Variants in PLSCR2 observed in about 807,000 individuals in gnomAD.
The protein encoded by PLSCR2 is PL scramblase 2.
PLSCR2 carries 18 observed loss-of-function variants against 25.3 expected under a neutral mutation model. The observed-to-expected ratio is 0.71, with a 90% confidence interval of 0.49 to 1.06. The LOEUF is 1.06. Among genes scored for constraint, PLSCR2 ranks in the 50% least tolerant of loss-of-function variants. The probability of loss-of-function intolerance (pLI) is 0.00; values close to 1 mark genes in which losing one functional copy is unlikely to be tolerated. For missense variants in PLSCR2, 243 were observed against 269.5 expected (o/e 0.90, Z 0.69); for synonymous variants, 88 against 87.3 (o/e 1.01, Z -0.04).
intron 1 of PLSCR2, among the ~76,000 whole-genome samples, chr3:146,484,833 G>A (rs970651986): frequency 6.6e-6 from 1 of 152,002 alleles, no homozygotes; most frequent in African/African-American, 2.4e-5. Context: ...CTACTGCAAA[G>A]ACACACCAAA....
intron 1 of PLSCR2, among the ~76,000 whole-genome samples, chr3:146,490,927 G>GT (rs2108577490): frequency 6.6e-6 from 1 of 152,188 alleles, no homozygotes; most frequent in East Asian, 1.9e-4. Context: ...TGATTGTATA[G>GT]TTGCTTTATA....
In PLSCR2 at chr3:146,476,952, C is replaced by A. The variant is rs1041338379; in HGVS notation, c.-292-16668G>T. Among the ~76,000 whole-genome samples the A allele has an allele frequency of 2.6e-5, 4 of 152,232 alleles. No individual in the cohort carries two copies. In the East Asian group the frequency reaches 5.8e-4, roughly 22 times the overall value. ...TGGTAGCTCTGAGGAATCCAGGCAG[C>A]CCAGATGAGTGGGATTCCCCTAAGA... is the stretch of plus-strand genomic sequence containing the variant. On this transcript the variant is annotated intron_variant, in intron 1 of 8. Transcript: ENST00000336685.
intron 1 of PLSCR2, among the ~76,000 whole-genome samples, chr3:146,479,561 A>T (rs1005071232): frequency 6.6e-6 from 1 of 152,214 alleles, no homozygotes; most frequent in African/African-American, 2.4e-5. Flanking sequence ...ATATATATGC[A>T]CCCAGTACAG....
rs540025569 is a variant in PLSCR2, at chr3:146,486,170, G to A, written c.-293+9725C>T. On this transcript the variant is annotated intron_variant, in intron 1 of 8. Transcript: ENST00000336685. Reference sequence around the variant, plus strand: ...ATCTCTGGGACACAGCTAAAGCCGTGTTAAGAGGGAAATTTATAGCACTAA... The same window carrying A: ...ATCTCTGGGACACAGCTAAAGCCGTATTAAGAGGGAAATTTATAGCACTAA... Among the ~76,000 whole-genome samples the A allele has an allele frequency of 2.6e-5, 4 of 152,258 alleles. No individual in the cohort carries two copies. In the South Asian group the frequency reaches 6.2e-4, roughly 24 times the overall value.
intron 2 of PLSCR2, among the ~76,000 whole-genome samples, chr3:146,427,597 T>C (rs2039400006): frequency 6.6e-6 from 1 of 152,222 alleles, no homozygotes; most frequent in South Asian, 2.1e-4. Context: ...AGAGGACCGA[T>C]GTGAACTCTG....
downstream of PLSCR2, among the ~76,000 whole-genome samples, chr3:146,431,054 G>A (rs1189366949): frequency 6.6e-6 from 1 of 152,128 alleles, no homozygotes; most frequent in African/African-American, 2.4e-5. Context: ...CCCTCATGGA[G>A]CAGGAAAAGA....
At chr3:146,398,608 T>C (rs1311537564) in intron 2 of PLSCR2, 2 of 151,480 alleles carry the variant, frequency 1.3e-5, no homozygotes, top group Non-Finnish European at 3.0e-5. Context: ...ATTAAAGAAA[T>C]CTAATAATTA....
chr3:146,418,805 A>G (rs928015678), intron 2 of PLSCR2, among the ~76,000 whole-genome samples: 22 of 152,126 alleles, frequency 1.4e-4, no homozygotes, highest in African/African-American at 5.3e-4. Context: ...TTTCCCTGTC[A>G]TTTGCTCCTC....
In PLSCR2 at chr3:146,470,726, A is replaced by C. The variant is rs201176276; in HGVS notation, c.-292-10442T>G. 6.6e-5 allele frequency among the ~76,000 whole-genome samples: 10 copies of C among 152,310 alleles called. No homozygotes were observed. In the East Asian group the frequency reaches 1.9e-3, roughly 29 times the overall value. On this transcript the variant is annotated intron_variant, in intron 1 of 8. Transcript: ENST00000336685. Reference sequence around the variant, plus strand: ...GGGAGGGAAGAAAAAAGGGAATGGAAGGGAGGAAGGTGGAGAAAGAAATTG... The same window carrying C: ...GGGAGGGAAGAAAAAAGGGAATGGACGGGAGGAAGGTGGAGAAAGAAATTG...
chr3:146,485,852 T>C (rs1400390917), intron 1 of PLSCR2, among the ~76,000 whole-genome samples: 1 of 152,048 alleles, frequency 6.6e-6, no homozygotes, highest in Non-Finnish European at 1.5e-5. Flanking sequence ...GCAAGTCACG[T>C]CTTACATGAA....
At chr3:146,446,704 G>A (rs1252383937) in intron 6 of PLSCR2, among the ~76,000 whole-genome samples, 1 of 152,164 alleles carries the variant, frequency 6.6e-6, no homozygotes, top group Non-Finnish European at 1.5e-5. Flanking sequence ...CTATTGGCAA[G>A]TGTCAAATCC....
chr3:146,418,713 A>AG (rs2039059418), intron 2 of PLSCR2, among the ~76,000 whole-genome samples: 1 of 152,122 alleles, frequency 6.6e-6, no homozygotes, highest in Non-Finnish European at 1.5e-5. Context: ...ATTTTTCTTA[A>AG]GGGGAAGCAT....
At chr3:146,411,761 G>A (rs901716894) in intron 2 of PLSCR2, among the ~76,000 whole-genome samples, 1 of 152,218 alleles carries the variant, frequency 6.6e-6, no homozygotes, top group Non-Finnish European at 1.5e-5. Flanking sequence ...AAGGGGAGGG[G>A]GTCTAGTTAA....
chr3:146,422,899 G>T (rs1352239883), intron 2 of PLSCR2, among the ~76,000 whole-genome samples: 4 of 151,966 alleles, frequency 2.6e-5, no homozygotes, highest in Non-Finnish European at 5.9e-5. Context: ...ATAATAATAG[G>T]TTTGTGATCT....
intron 1 of PLSCR2, among the ~76,000 whole-genome samples, chr3:146,477,032 G>A (rs938469553): frequency 9.2e-5 from 14 of 152,288 alleles, no homozygotes; most frequent in African/African-American, 2.2e-4. Flanking sequence ...AGTGGGTCTC[G>A]GATCTCATGC....
downstream of PLSCR2, among the ~76,000 whole-genome samples, chr3:146,432,451 C>G (rs1448822807): frequency 1.3e-5 from 2 of 152,110 alleles, no homozygotes; most frequent in Non-Finnish European, 2.9e-5. Context: ...AGATGTGATA[C>G]AGTTCCTTTG....
At chr3:146,447,687 C>T (rs2040636560) in intron 6 of PLSCR2, among the ~76,000 whole-genome samples, 1 of 152,138 alleles carries the variant, frequency 6.6e-6, no homozygotes, top group Non-Finnish European at 1.5e-5. Flanking sequence ...CCTTGGGCTG[C>T]CCTGGCTGGT....
intron 5 of PLSCR2, among the ~76,000 whole-genome samples, chr3:146,450,317 C>T (rs2108317461): frequency 6.6e-6 from 1 of 152,296 alleles, no homozygotes; most frequent in Middle Eastern, 3.4e-3. Context: ...TTGTGACCAT[C>T]TAGATAAATG....
intron 1 of PLSCR2, among the ~76,000 whole-genome samples, chr3:146,490,841 T>C (rs1394752257): frequency 3.3e-5 from 5 of 152,182 alleles, no homozygotes; most frequent in Non-Finnish European, 1.5e-5. Context: ...ATTTAGCCCA[T>C]CTACATTCAA....
Sources: allele counts gnomAD v4.1 joint callset (sites outside exome capture counted in the v4.1 genomes callset), GRCh38; gene constraint gnomAD v4.1.1; transcripts MANE v1.5; gene names NCBI Gene and HGNC (gene_info 2026-07-23, HGNC 2026-07-21).